PSME3IP1: variants seen among roughly 807,000 people sequenced by gnomAD.
PSME3IP1 encodes the protein proteasome activator subunit 3 interacting protein 1.
In PSME3IP1, 13 loss-of-function variants were observed where a neutral mutation model predicts 34.1. The observed-to-expected ratio is 0.38, with a 90% CI of 0.25 to 0.61. The LOEUF (loss-of-function observed/expected upper bound fraction) is 0.61. PSME3IP1 is among the 20% of genes least tolerant of loss of function. The pLI is 0.60. For synonymous variants in PSME3IP1, 93 were observed against 114.3 expected (o/e 0.81, Z 1.19); for missense variants, 237 against 301.4 (o/e 0.79, Z 1.58).
chr16:57,173,782 G>T lies in PSME3IP1; in HGVS notation c.73C>A (p.Arg25Ser), dbSNP rs771766544. ...TCCCATTCTTCTTGCCTCCTTTTGC[G>T]CCGTTCATCTAGTTCTGCCTCAGAC... ...FVSEAELDER[R>S]KRRQEEWEKV... The change falls in exon 2 of 7, where the codon CGC (arginine) becomes AGC (serine). Residue 25 changes from arginine (R) to serine (S), a missense_variant. By Grantham distance (110) the Arg-to-Ser change is moderately radical. Transcript: ENST00000309137. 3.1e-6 allele frequency: 5 copies of T among 1,613,820 alleles called. No individual in the cohort carries two copies. In the South Asian group the frequency reaches 5.5e-5, roughly 18 times the overall value.
intron 1 of PSME3IP1, chr16:57,185,399 C>G: frequency 7.9e-6 from 5 of 632,228 alleles, no homozygotes; most frequent in Non-Finnish European, 9.9e-6. Flanking sequence ...ACATGGCACA[C>G]AATAAATGTG....
chr16:57,162,881 G>A (rs897937230), intron 6 of PSME3IP1, among the ~76,000 whole-genome samples: 1 of 151,380 alleles, frequency 6.6e-6, no homozygotes, highest in Non-Finnish European at 1.5e-5. Context: ...CATAAGAAAT[G>A]TGGCTGGGCT....
intron 4 of PSME3IP1, among the ~76,000 whole-genome samples, chr16:57,168,742 G>A (rs1473174380): frequency 1.4e-5 from 2 of 145,088 alleles, no homozygotes; most frequent in Admixed American, 7.2e-5. Flanking sequence ...GGCAGAGATT[G>A]TGGTGAGCTG....
chr16:57,186,090 T>G, upstream of PSME3IP1: 1 of 985,258 alleles, frequency 1.0e-6, no homozygotes, highest in Non-Finnish European at 1.2e-6. Context: ...GAGCTCTTCC[T>G]CCCCGGGAGC....
chr16:57,153,390 G>A lies in PSME3IP1; in HGVS notation c.*900C>T, dbSNP rs1323874590. ...AACAGAGAAGGGCCTCAATAGAATG[G>A]TCACAATATGCAAGTGTGTCCCACT... On this transcript the variant is annotated 3_prime_UTR_variant, in exon 7 of 7. Coordinates refer to ENST00000309137, the MANE Select transcript of PSME3IP1 (RefSeq NM_024946.4). 6.6e-6 allele frequency: 1 copy of A among 152,150 alleles called. No homozygotes were observed. The highest frequency in any genetic ancestry group is 1.5e-5 in the Non-Finnish European group (1 of 68,040). 9.4% of individuals were successfully genotyped at this position (152,150 alleles called of 1,614,324 possible). A position where few individuals can be genotyped will look rare whatever the true frequency, so the allele number is the denominator to read the frequency against.
At position 57,171,029 on chromosome 16, in the gene PSME3IP1, C is replaced by T. The variant is rs113705595; in HGVS notation, c.348+1222G>A. Among the ~76,000 whole-genome samples the T allele has an allele frequency of 8.6e-5, 13 of 151,942 alleles. No individual in the cohort carries two copies. In the East Asian group the frequency reaches 1.9e-3, roughly 23 times the overall value. Reference sequence around the variant, plus strand: ...CGGAGGTTGCAGTGAGACGAGATCGCGCCACTGCAGTCCAGCCTGGGCAAC... The same window carrying T: ...CGGAGGTTGCAGTGAGACGAGATCGTGCCACTGCAGTCCAGCCTGGGCAAC... On this transcript the variant is annotated intron_variant, in intron 4 of 6. Transcript: ENST00000309137.
rs2070171403 is a variant in PSME3IP1, at chr16:57,153,646, T to C, written c.*644A>G. ...TGTTAGCAGTCCCTTCCTGCATAAA[T>C]GGGGTTGGAGAGAGAGGAGAGAGGG... is the stretch of plus-strand genomic sequence containing the variant. On this transcript the variant is annotated 3_prime_UTR_variant, in exon 7 of 7. Transcript: ENST00000309137. 6.6e-6 allele frequency: 1 copy of C among 152,108 alleles called. No individual in the cohort carries two copies. The highest frequency in any genetic ancestry group is 6.5e-5 in the Admixed American group (1 of 15,268). 9.4% of individuals were successfully genotyped at this position (152,108 alleles called of 1,614,324 possible).
At chr16:57,176,936 C>T (rs1365639649) in intron 1 of PSME3IP1, among the ~76,000 whole-genome samples, 1 of 152,076 alleles carries the variant, frequency 6.6e-6, no homozygotes, top group Non-Finnish European at 1.5e-5. Context: ...CTCACTGCAA[C>T]CTCCGCTTCC....
At chr16:57,168,969 C>A (rs1482072686) in intron 4 of PSME3IP1, among the ~76,000 whole-genome samples, 2 of 150,406 alleles carry the variant, frequency 1.3e-5, no homozygotes, top group Non-Finnish European at 3.0e-5. Flanking sequence ...GGAAAAAAAA[C>A]ACAACAAAAG....
intron 4 of PSME3IP1, among the ~76,000 whole-genome samples, chr16:57,170,840 G>C (rs1301392184): frequency 2.6e-5 from 4 of 152,162 alleles, no homozygotes; most frequent in African/African-American, 9.6e-5. Context: ...TGGGATGCTG[G>C]AGTGGGCGGA....
chr16:57,167,335 GC>G, intron 4 of PSME3IP1, 109 bp from the exon 5 acceptor site: 5 of 1,205,502 alleles, frequency 4.1e-6, no homozygotes, highest in South Asian at 3.8e-5. Flanking sequence ...TTAAATAAAT[GC>G]CCCACCCTTC....
intron 1 of PSME3IP1, among the ~76,000 whole-genome samples, chr16:57,175,335 C>T (rs1485259652): frequency 1.3e-5 from 2 of 152,168 alleles, no homozygotes; most frequent in East Asian, 3.9e-4. Flanking sequence ...TTAAACTAAA[C>T]CTCTGTTTTT....
At chr16:57,164,786 C>T (rs929713561) in intron 5 of PSME3IP1, among the ~76,000 whole-genome samples, 2 of 152,022 alleles carry the variant, frequency 1.3e-5, no homozygotes, top group African/African-American at 4.8e-5. Context: ...AATCCCAGCA[C>T]GTTGGGAGGC....
intron 6 of PSME3IP1, 80 bp downstream of exon 6, chr16:57,163,921 G>C (rs201604793): frequency 2.2e-6 from 3 of 1,333,496 alleles, no homozygotes; most frequent in Non-Finnish European, 2.2e-6. Context: ...GCATTCATTT[G>C]CAGAAGCAAT....
chr16:57,185,156 C>CT (rs1410260886), intron 1 of PSME3IP1, among the ~76,000 whole-genome samples: 4 of 152,158 alleles, frequency 2.6e-5, no homozygotes, highest in African/African-American at 7.2e-5. Context: ...GTGCGGGAGT[C>CT]TGAGAAACTG....
intron 4 of PSME3IP1, 109 bp from the exon 5 acceptor site, chr16:57,167,335 G>T (rs2072009543): frequency 1.0e-5 from 12 of 1,205,504 alleles, no homozygotes; most frequent in Non-Finnish European, 1.3e-5. Flanking sequence ...TTAAATAAAT[G>T]CCCCACCCTT....
intron 5 of PSME3IP1, among the ~76,000 whole-genome samples, chr16:57,165,384 A>T (rs1317583405): frequency 6.6e-6 from 1 of 152,202 alleles, no homozygotes; most frequent in East Asian, 1.9e-4. Context: ...ATAGCTTCAG[A>T]TGCTCATAAC....
At chr16:57,182,551 TAAAA>T (rs10717048) in intron 1 of PSME3IP1, among the ~76,000 whole-genome samples, 1 of 76,756 alleles carries the variant, frequency 1.3e-5, no homozygotes, top group Non-Finnish European at 2.4e-5. Flanking sequence ...CCATTTCCCT[TAAAA>T]AAAAAAAAAA....
In PSME3IP1 at chr16:57,157,322, A is replaced by AC. The variant is rs1305291705; in HGVS notation, c.548-2816_548-2815insG. 2.6e-3 allele frequency among the ~76,000 whole-genome samples: 399 copies of AC among 151,346 alleles called. 1 individual carries two copies. The highest frequency in any genetic ancestry group is 0.017 in the Middle Eastern group (5 of 292). On this transcript the variant is annotated intron_variant, in intron 6 of 6. Coordinates refer to ENST00000309137, the MANE Select transcript of PSME3IP1 (RefSeq NM_024946.4). ...AGCGAGAACCTATCTCCAAAAAAAA[A>AC]AAAAAAAAAAGAAGAAGAAGAAGAA...
Sources: allele counts gnomAD v4.1 joint callset (sites outside exome capture counted in the v4.1 genomes callset), GRCh38; gene constraint gnomAD v4.1.1; transcripts MANE v1.5; gene names NCBI Gene and HGNC (gene_info 2026-07-23, HGNC 2026-07-21).